The following RNF168 variants were observed in gnomAD, a reference collection of about 807,000 sequenced individuals.
RNF168 encodes ring finger protein 168.
In RNF168, 34 loss-of-function variants were observed where a neutral mutation model predicts 34.9. The observed-to-expected ratio is 0.97, with a 90% CI of 0.74 to 1.30. RNF168 has a LOEUF of 1.30. RNF168 is among the 50% of genes most tolerant of loss of function. The probability of loss-of-function intolerance (pLI) is 0.00; values close to 1 mark genes in which losing one functional copy is unlikely to be tolerated. For missense variants in RNF168, 725 were observed against 682.5 expected (o/e 1.06, Z -0.69); for synonymous variants, 264 against 254.7 (o/e 1.04, Z -0.35).
At chr3:196,473,107 C>G (rs1732053415) in intron 5 of RNF168, among the ~76,000 whole-genome samples, 1 of 152,054 alleles carries the variant, frequency 6.6e-6, no homozygotes, top group Admixed American at 6.6e-5. Context: ...TTTTCACTCC[C>G]ATGAAAACCT....
intron 1 of RNF168, among the ~76,000 whole-genome samples, chr3:196,500,468 T>C (rs1361814495): frequency 6.6e-6 from 1 of 151,618 alleles, no homozygotes; most frequent in Non-Finnish European, 1.5e-5. Context: ...TTCACAGAAA[T>C]GGAAAGGAGA....
At chr3:196,502,101 G>C (rs1157497105) in intron 1 of RNF168, among the ~76,000 whole-genome samples, 1 of 140,784 alleles carries the variant, frequency 7.1e-6, no homozygotes, top group Non-Finnish European at 1.5e-5. Context: ...ACGAGAGAAC[G>C]GAGACACCAT....
chr3:196,473,927 A>G (rs1402790340), intron 5 of RNF168, among the ~76,000 whole-genome samples: 1 of 152,092 alleles, frequency 6.6e-6, no homozygotes, highest in African/African-American at 2.4e-5. Flanking sequence ...ATTTCTCACC[A>G]AGACCCCTGG....
At chr3:196,481,193 T>C (rs960980447) in intron 4 of RNF168, among the ~76,000 whole-genome samples, 2 of 152,236 alleles carry the variant, frequency 1.3e-5, no homozygotes, top group African/African-American at 4.8e-5. Context: ...TCTCCTTTTA[T>C]TGTGTTACTG....
chr3:196,489,966 G>A (rs191217326), intron 1 of RNF168, among the ~76,000 whole-genome samples: 68 of 152,320 alleles, frequency 4.5e-4, no homozygotes, highest in Middle Eastern at 3.4e-3. Flanking sequence ...GTAATAGGTG[G>A]TGACCCAGAG....
At chr3:196,493,850 A>C (rs1490046769) in intron 1 of RNF168, among the ~76,000 whole-genome samples, 1 of 140,838 alleles carries the variant, frequency 7.1e-6, no homozygotes, top group Non-Finnish European at 1.5e-5. Flanking sequence ...TCTTTTTTTA[A>C]ATTTATTTTT....
chr3:196,481,279 A>G (rs1732280210), intron 4 of RNF168, among the ~76,000 whole-genome samples: 1 of 152,130 alleles, frequency 6.6e-6, no homozygotes, highest in African/African-American at 2.4e-5. Context: ...TCCTGACCTT[A>G]CAAGGGGAAT....
chr3:196,496,150 A>G (rs1256137642), intron 1 of RNF168, among the ~76,000 whole-genome samples: 2 of 152,224 alleles, frequency 1.3e-5, no homozygotes, highest in South Asian at 2.1e-4. Flanking sequence ...CTCAAAAGCC[A>G]TAATATAATT....
chr3:196,485,666 T>C (rs1195413265), intron 3 of RNF168, among the ~76,000 whole-genome samples: 2 of 151,992 alleles, frequency 1.3e-5, no homozygotes, highest in East Asian at 1.9e-4. Context: ...AAAAGACACA[T>C]AAAAAGGGGC....
At chr3:196,474,447 C>CT (rs78108021) in intron 5 of RNF168, among the ~76,000 whole-genome samples, 14,915 of 121,358 alleles carry the variant, frequency 0.12, 1,081 homozygotes, top group African/African-American at 0.2. Context: ...TTGTAATATT[C>CT]TTTTTTTTTT....
At chr3:196,496,036 TTATG>T (rs903889200) in intron 1 of RNF168, among the ~76,000 whole-genome samples, 5 of 152,208 alleles carry the variant, frequency 3.3e-5, no homozygotes, top group African/African-American at 4.8e-5. Flanking sequence ...TAGATTCACT[TTATG>T]TATTATGTGT....
rs1278067129 is a variant in RNF168 at position 196,472,100 on chromosome 3, T to A, written c.1435A>T (p.Thr479Ser). 2 of 1,613,594 alleles carry A rather than the reference T, an allele frequency of 1.2e-6. No homozygotes were observed. Among genetic ancestry groups the A allele is most frequent in the Admixed American group, 3.3e-5 (2 of 59,938 alleles). The change falls in exon 6 of 6, where the codon ACA becomes TCA. Residue 479 changes from threonine to serine, a missense_variant. Thr to Ser is a moderately conservative substitution (Grantham distance 58). Transcript: ENST00000318037. ...GSPDEYHLRATSSPPDKVLNG... is the reference protein window; with the variant it reads ...GSPDEYHLRASSSPPDKVLNG... ...AGCACTTTGTCTGGAGGGGAGGATG[T>A]AGCGCGTAAGTGATACTCATCTGGG...
At chr3:196,488,814 C>A (rs1732520287) in intron 1 of RNF168, 131 bp from the exon 2 acceptor site, 1 of 454,664 alleles carries the variant, frequency 2.2e-6, no homozygotes, top group Non-Finnish European at 4.0e-6. Flanking sequence ...TTTGGAATTC[C>A]ATTTTTAACA....
intron 1 of RNF168, among the ~76,000 whole-genome samples, chr3:196,494,936 T>C (rs957549555): frequency 7.9e-5 from 12 of 152,076 alleles, no homozygotes; most frequent in Admixed American, 2.6e-4. Flanking sequence ...GGTGGGAGGA[T>C]TGCTTGAGCC....
Position 196,471,229 on chromosome 3 carries a change from A to AAAAAAAAAAAC in RNF168, c.*589_*590insGTTTTTTTTTT, listed in dbSNP as rs1731995826. ...AAAAAAAAAAAAAAAAAAAAAAAAA[A>AAAAAAAAAAAC]TCTGGGATTTCCCACATATGAATAT... On this transcript the variant is annotated 3_prime_UTR_variant, in exon 6 of 6. Coordinates refer to ENST00000318037, the MANE Select transcript of RNF168 (RefSeq NM_152617.4). The AAAAAAAAAAAC allele has an allele frequency of 7.0e-6, 1 of 142,268 alleles. No individual in the cohort carries two copies. Among genetic ancestry groups the AAAAAAAAAAAC allele is most frequent in the Non-Finnish European group, 1.5e-5 (1 of 66,084 alleles). The allele number at this position is 142,268 out of a possible 1,614,324, so 8.8% of individuals were successfully genotyped here. A position where few individuals can be genotyped will look rare whatever the true frequency, so the allele number is the denominator to read the frequency against.
In RNF168 at chr3:196,472,134, T is replaced by A; in HGVS notation, c.1401A>T (p.Gln467His). Residue 467 changes from glutamine (Q) to histidine (H), a missense_variant, in exon 6 of 6, where the codon CAA becomes CAT. Coordinates refer to ENST00000318037, the MANE Select transcript of RNF168 (RefSeq NM_152617.4). ...AGTGATACTCATCTGGGGATCCTTT[T>A]TGCCGGTTTGGCACCATTTGCTCTT... is the stretch of plus-strand genomic sequence containing the variant. ...VDKEQMVPNR[Q>H]KGSPDEYHLR... 4.3e-6 allele frequency: 7 copies of A among 1,614,182 alleles called. No individual in the cohort carries two copies. The highest frequency in any genetic ancestry group is 5.9e-6 in the Non-Finnish European group (7 of 1,180,036).
intron 1 of RNF168, among the ~76,000 whole-genome samples, chr3:196,489,917 T>C (rs1223040288): frequency 6.6e-6 from 1 of 152,174 alleles, no homozygotes; most frequent in Admixed American, 6.5e-5. Context: ...CGCATATTTC[T>C]TTAAAGAAAC....
chr3:196,486,252 A>G (rs919299100), intron 3 of RNF168, among the ~76,000 whole-genome samples: 2 of 152,258 alleles, frequency 1.3e-5, no homozygotes, highest in African/African-American at 4.8e-5. Flanking sequence ...TACATGTAGT[A>G]ATATGAAAAA....
At chr3:196,484,171 C>CTTTTTTTTTTTTT (rs71699491) in intron 3 of RNF168, among the ~76,000 whole-genome samples, 2 of 119,462 alleles carry the variant, frequency 1.7e-5, no homozygotes, top group African/African-American at 6.8e-5. Flanking sequence ...TCTTTCTTTC[C>CTTTTTTTTTTTTT]TTTTTTTTTT....
Sources: gnomAD v4.1 joint callset for allele counts (sites outside exome capture counted in the v4.1 genomes callset) on GRCh38, gnomAD v4.1.1 for gene constraint, MANE v1.5 for transcripts, NCBI Gene and HGNC (gene_info 2026-07-23, HGNC 2026-07-21) for gene names.